The following FRMPD4 variants were observed in gnomAD, a reference collection of about 807,000 sequenced individuals.
FRMPD4 encodes FERM and PDZ domain-containing protein 4.
FRMPD4 carries 22 observed loss-of-function variants against 94.1 expected under a neutral mutation model. That is an observed-to-expected ratio of 0.23 (90% CI 0.17 to 0.33). The LOEUF (loss-of-function observed/expected upper bound fraction) is 0.33, where lower values mean the gene tolerates loss of function less well. Ranked by LOEUF, FRMPD4 falls within the 10% of genes least tolerant of loss-of-function variation. The pLI, the probability that FRMPD4 is intolerant of heterozygous loss-of-function variation, is 1.00. For missense variants in FRMPD4, 1,111 were observed against 1,339.9 expected (o/e 0.83, Z 2.67); for synonymous variants, 631 against 548.6 (o/e 1.15, Z -2.10).
At chrX:12,237,541 C>T (rs1369332906) in intron 1 of FRMPD4, among the ~76,000 whole-genome samples, 1 of 112,273 alleles carries the variant, frequency 8.9e-6, no homozygotes, top group African/African-American at 3.2e-5. Context: ...ATATGACTCT[C>T]ATACTTGACT....
intron 1 of FRMPD4, among the ~76,000 whole-genome samples, chrX:11,838,694 T>A (rs777438920): frequency 6.8e-4 from 76 of 111,405 alleles, no homozygotes; most frequent in Non-Finnish European, 1.2e-3. Flanking sequence ...TTTCTATATC[T>A]ACATATTTGT....
At chrX:11,856,541 T>C in intron 1 of FRMPD4, among the ~76,000 whole-genome samples, 1 of 111,873 alleles carries the variant, frequency 8.9e-6, no homozygotes, top group East Asian at 2.8e-4. Flanking sequence ...AAGCTAGATA[T>C]TGAAGGAGTG....
At chrX:12,493,167 C>A (rs2057809150) in intron 1 of FRMPD4, among the ~76,000 whole-genome samples, 2 of 111,269 alleles carry the variant, frequency 1.8e-5, no homozygotes, top group African/African-American at 6.5e-5. Flanking sequence ...CACTTCCTTA[C>A]CTTAACCCAC....
chrX:12,313,075 G>T (rs927135242), intron 1 of FRMPD4, among the ~76,000 whole-genome samples: 3 of 111,456 alleles, frequency 2.7e-5, no homozygotes, highest in African/African-American at 9.8e-5. Flanking sequence ...CATTAGGGAG[G>T]TGGAGAAAAA....
chrX:12,496,971 C>T (rs900047677), intron 1 of FRMPD4, among the ~76,000 whole-genome samples: 3 of 111,062 alleles, frequency 2.7e-5, no homozygotes, highest in East Asian at 2.8e-4. Context: ...TCCTCCAACT[C>T]GTTATTATAA....
intron 1 of FRMPD4, among the ~76,000 whole-genome samples, chrX:12,289,124 G>A (rs190287106): frequency 1.8e-5 from 2 of 111,143 alleles, no homozygotes; most frequent in Admixed American, 9.6e-5. Flanking sequence ...CATGTCATGG[G>A]GTTTCTAGTG....
intron 1 of FRMPD4, among the ~76,000 whole-genome samples, chrX:12,433,044 T>C (rs893314737): frequency 8.9e-6 from 1 of 112,813 alleles, no homozygotes; most frequent in Non-Finnish European, 1.9e-5. Context: ...TACTTCAGTA[T>C]CCTAAATAGT....
At chrX:12,443,556 G>A (rs144095239) in intron 1 of FRMPD4, among the ~76,000 whole-genome samples, 2,605 of 111,348 alleles carry the variant, frequency 0.023, 91 homozygotes, top group African/African-American at 0.081. Context: ...CATAGTAGAG[G>A]GCGTGGGTCT....
At chrX:11,973,991 A>C (rs144706051) in intron 3 of FRMPD4, among the ~76,000 whole-genome samples, 1,168 of 111,944 alleles carry the variant, frequency 0.01, 12 homozygotes, top group African/African-American at 0.037. Flanking sequence ...GGAGGGACTA[A>C]GTCTGAGAGT....
At chrX:12,699,490 C>T (rs776098816) in intron 9 of FRMPD4, among the ~76,000 whole-genome samples, 5 of 112,633 alleles carry the variant, frequency 4.4e-5, no homozygotes, top group South Asian at 3.7e-4. Context: ...GGATACAGAG[C>T]GTGCACGCAC....
rs377103102 is a variant in FRMPD4 at position 12,489,507 on chromosome X, T to C, written c.42-9173T>C. ...AAGTGAAATGTGAAGATGAATTTTA[T>C]CTCTTAAAATGATGAGTGTTTGCAA... On this transcript the variant is annotated intron_variant, in intron 1 of 16. Transcript: ENST00000675598. Among the ~76,000 whole-genome samples the C allele has an allele frequency of 1.3e-3, 144 of 112,338 alleles. 4 individuals are homozygous for C. In the South Asian group the frequency reaches 0.052, roughly 41 times the overall value.
At chrX:12,221,366 T>C (rs1024890410) in intron 1 of FRMPD4, among the ~76,000 whole-genome samples, 1 of 112,413 alleles carries the variant, frequency 8.9e-6, no homozygotes, top group African/African-American at 3.2e-5. Flanking sequence ...TACAAAAATA[T>C]AGAAGAACTG....
intron 4 of FRMPD4, among the ~76,000 whole-genome samples, chrX:12,644,431 C>T (rs1013553223): frequency 1.8e-5 from 2 of 111,583 alleles, no homozygotes; most frequent in African/African-American, 6.5e-5. Flanking sequence ...CTCTTGTCAC[C>T]GTAGCATTCA....
intron 14 of FRMPD4, among the ~76,000 whole-genome samples, chrX:12,715,315 A>C (rs2042058864): frequency 8.9e-6 from 1 of 112,322 alleles, no homozygotes; most frequent in Non-Finnish European, 1.9e-5. Flanking sequence ...AGTTCCTATG[A>C]TACAAACAAA....
chrX:12,233,979 T>G (rs1204508396), intron 1 of FRMPD4, among the ~76,000 whole-genome samples: 2 of 106,108 alleles, frequency 1.9e-5, no homozygotes, highest in Non-Finnish European at 3.8e-5. Context: ...ATGAATGAAT[T>G]ATTTATTTAT....
At chrX:12,421,872 G>A (rs1431696602) in intron 1 of FRMPD4, among the ~76,000 whole-genome samples, 3 of 109,940 alleles carry the variant, frequency 2.7e-5, no homozygotes, top group African/African-American at 9.9e-5. Context: ...AAGCTGTTCC[G>A]GTTCTTGCCT....
chrX:12,672,078 C>T (rs2059849531), intron 4 of FRMPD4, among the ~76,000 whole-genome samples: 1 of 112,323 alleles, frequency 8.9e-6, no homozygotes, highest in African/African-American at 3.2e-5. Flanking sequence ...GTTTTCTCTA[C>T]TGCCCCAGCA....
chrX:12,524,729 T>C (rs1483283742), intron 2 of FRMPD4, among the ~76,000 whole-genome samples: 1 of 111,581 alleles, frequency 9.0e-6, no homozygotes, highest in Non-Finnish European at 1.9e-5. Context: ...TGATATTCTC[T>C]GCCTCCTCTT....
intron 1 of FRMPD4, among the ~76,000 whole-genome samples, chrX:12,265,871 G>A (rs1348978581): frequency 9.1e-6 from 1 of 110,076 alleles, no homozygotes; most frequent in Non-Finnish European, 1.9e-5. Context: ...GCTCAAGCCT[G>A]TAATCCCAGC....
Sources: gnomAD v4.1 joint callset for allele counts (sites outside exome capture counted in the v4.1 genomes callset) on GRCh38, gnomAD v4.1.1 for gene constraint, MANE v1.5 for transcripts, NCBI Gene and HGNC (gene_info 2026-07-23, HGNC 2026-07-21) for gene names.